GRIK4: variants seen among roughly 807,000 people sequenced by gnomAD.
The protein encoded by GRIK4 is glutamate ionotropic receptor kainate type subunit 4.
Under a neutral mutation model 104.9 loss-of-function variants are expected in GRIK4, and 40 were observed. The observed-to-expected ratio is 0.38, with a 90% confidence interval of 0.30 to 0.50. The LOEUF (loss-of-function observed/expected upper bound fraction) is 0.50, where lower values mean the gene tolerates loss of function less well. Ranked by LOEUF, GRIK4 falls within the 20% of genes least tolerant of loss-of-function variation. GRIK4 has a pLI of 0.93. For synonymous variants in GRIK4, 485 were observed against 524.9 expected, an observed-to-expected ratio of 0.92 and a Z score of 1.04; for missense variants, 1,047 against 1,308.1, an observed-to-expected ratio of 0.80 and a Z score of 3.08.
intron 1 of GRIK4, among the ~76,000 whole-genome samples, chr11:120,573,810 C>T (rs958182641): frequency 4.6e-5 from 7 of 152,198 alleles, no homozygotes; most frequent in Non-Finnish European, 1.0e-4. Context: ...GACCCTCTCC[C>T]AGCCCTTCTA....
chr11:120,955,361 G>A (rs1377772254), intron 15 of GRIK4, among the ~76,000 whole-genome samples: 4 of 152,216 alleles, frequency 2.6e-5, no homozygotes, highest in Non-Finnish European at 4.4e-5. Context: ...GGAGAGGCGC[G>A]GATGGAAACG....
At chr11:120,544,110 G>C (rs1948062817) in intron 1 of GRIK4, among the ~76,000 whole-genome samples, 1 of 152,224 alleles carries the variant, frequency 6.6e-6, no homozygotes, top group Non-Finnish European at 1.5e-5. Flanking sequence ...TTTGCAGAGA[G>C]GATGGATCTG....
intron 3 of GRIK4, among the ~76,000 whole-genome samples, chr11:120,759,822 T>C (rs1259167972): frequency 6.6e-6 from 1 of 152,104 alleles, no homozygotes; most frequent in East Asian, 1.9e-4. Flanking sequence ...CTTCTTTTTT[T>C]CCTAGAATCT....
At chr11:120,675,545 A>G (rs1950086911) in intron 3 of GRIK4, among the ~76,000 whole-genome samples, 1 of 152,210 alleles carries the variant, frequency 6.6e-6, no homozygotes, top group Non-Finnish European at 1.5e-5. Context: ...AGTGTGTGGC[A>G]TATAAGAAAT....
At chr11:120,553,211 C>T (rs528107085) in intron 1 of GRIK4, among the ~76,000 whole-genome samples, 1 of 152,094 alleles carries the variant, frequency 6.6e-6, no homozygotes, top group Non-Finnish European at 1.5e-5. Context: ...TGTGGAGTGA[C>T]AAGGAACAGG....
chr11:120,726,806 A>G (rs1199427363), intron 3 of GRIK4, among the ~76,000 whole-genome samples: 2 of 151,680 alleles, frequency 1.3e-5, no homozygotes, highest in Admixed American at 1.3e-4. Context: ...CTCTGGTAAC[A>G]TAGCAGCAGT....
intron 3 of GRIK4, among the ~76,000 whole-genome samples, chr11:120,753,633 A>T (rs548018713): frequency 3.0e-4 from 45 of 152,300 alleles, no homozygotes; most frequent in African/African-American, 1.1e-3. Context: ...CAACAAATAT[A>T]TGAGTAGTTA....
rs954119652 is a variant in GRIK4 at position 120,819,319 on chromosome 11, C to T, written c.346-436C>T. ...GGGCTGATGGGACTCTTCTCTTAGT[C>T]CCAGGGTAGCGATTTTTCTCTTTCT... On this transcript the variant is annotated intron_variant, in intron 5 of 20. Transcript: ENST00000527524. The surrounding 1 kb of genome is among the most constrained non-coding windows in gnomAD (Gnocchi z 4.3). Among the ~76,000 whole-genome samples, 7 of 152,150 alleles carry T rather than the reference C, an allele frequency of 4.6e-5. No individual in the cohort carries two copies. Among genetic ancestry groups the T allele is most frequent in the Non-Finnish European group, 7.3e-5 (5 of 68,032 alleles).
intron 1 of GRIK4, among the ~76,000 whole-genome samples, chr11:120,590,466 C>T (rs934942242): frequency 4.6e-5 from 7 of 152,168 alleles, no homozygotes; most frequent in South Asian, 2.1e-4. Context: ...TGAGTCCTAT[C>T]GATGCCTCCC....
At chr11:120,929,776 G>A (rs1005139393) in intron 13 of GRIK4, among the ~76,000 whole-genome samples, 1 of 152,154 alleles carries the variant, frequency 6.6e-6, no homozygotes, top group East Asian at 1.9e-4. Context: ...AGGTGTTAGA[G>A]GGAACCGGGT....
At chr11:120,896,072 C>G (rs1592053507) in intron 11 of GRIK4, among the ~76,000 whole-genome samples, 1 of 151,950 alleles carries the variant, frequency 6.6e-6, no homozygotes, top group Non-Finnish European at 1.5e-5. Flanking sequence ...GCTTCCAAAG[C>G]CAGGCCCAGA....
At chr11:120,613,754 C>T (rs1223458945) in intron 1 of GRIK4, among the ~76,000 whole-genome samples, 3 of 152,128 alleles carry the variant, frequency 2.0e-5, no homozygotes, top group South Asian at 2.1e-4. Flanking sequence ...TCTGCAGGAG[C>T]GTCTGTGTGG....
intron 8 of GRIK4, among the ~76,000 whole-genome samples, chr11:120,841,531 G>T (rs1447806911): frequency 6.6e-6 from 1 of 152,180 alleles, no homozygotes; most frequent in Non-Finnish European, 1.5e-5. Context: ...GGACACGTGG[G>T]TCGCCTCCAC....
At chr11:120,641,476 G>T (rs1032654954) in intron 1 of GRIK4, among the ~76,000 whole-genome samples, 1 of 152,134 alleles carries the variant, frequency 6.6e-6, no homozygotes, top group Non-Finnish European at 1.5e-5. Flanking sequence ...TATATGCTAA[G>T]CAAGGGGTGG....
rs117632117 is a variant in GRIK4, at chr11:120,853,315, G to A, written c.745-8644G>A. On this transcript the variant is annotated intron_variant, in intron 8 of 20. Transcript: ENST00000527524. ...TCAGTAAAGGAGTATTCGGTGAGGG[G>A]GAAGTTCATGATCAAATGTGGAGTT... 7.2e-5 allele frequency among the ~76,000 whole-genome samples: 11 copies of A among 152,234 alleles called. No individual in the cohort carries two copies. The East Asian group carries it at 1.9e-3, about 27-fold the overall frequency.
rs747362719 is a variant in GRIK4, at chr11:120,953,003, C to A, written c.1700+39C>A. ...CCCTTCCCTGTCCTTACACCGCCAC[C>A]TCGTGTCCACCTCTGGGAACTGCAT... On this transcript the variant is annotated intron_variant, in intron 15 of 20. Coordinates refer to ENST00000527524, the MANE Select transcript of GRIK4 (RefSeq NM_014619.5). The surrounding 1 kb of genome is among the most constrained non-coding windows in gnomAD (Gnocchi z 4.9). The A allele has an allele frequency of 7.0e-5, 92 of 1,318,112 alleles. No individual in the cohort carries two copies. In the Middle Eastern group the frequency reaches 1.6e-3, roughly 24 times the overall value. 81.7% of individuals were successfully genotyped at this position (1,318,112 alleles called of 1,614,324 possible). A position where few individuals can be genotyped will look rare whatever the true frequency, so the allele number is the denominator to read the frequency against.
intron 1 of GRIK4, among the ~76,000 whole-genome samples, chr11:120,520,679 G>T (rs1347172966): frequency 6.6e-6 from 1 of 152,236 alleles, no homozygotes; most frequent in Non-Finnish European, 1.5e-5. Context: ...GGCTGGCCTG[G>T]CTGCCCCAGG....
intron 19 of GRIK4, among the ~76,000 whole-genome samples, chr11:120,969,305 T>C (rs1460596171): frequency 6.6e-6 from 1 of 152,088 alleles, no homozygotes; most frequent in East Asian, 1.9e-4. Flanking sequence ...GTCAAGGCAC[T>C]TTTGTGGATT....
chr11:120,925,798 C>T (rs979894207), intron 13 of GRIK4, among the ~76,000 whole-genome samples: 12 of 151,886 alleles, frequency 7.9e-5, no homozygotes, highest in African/African-American at 2.9e-4. Flanking sequence ...TGGTGAAACC[C>T]CATCTCTACT....
Sources: allele counts gnomAD v4.1 joint callset (sites outside exome capture counted in the v4.1 genomes callset), GRCh38; gene constraint gnomAD v4.1.1; non-coding constraint Gnocchi (gnomAD v3.1); transcripts MANE v1.5; gene names NCBI Gene and HGNC (gene_info 2026-07-23, HGNC 2026-07-21).